PRDM6: variants seen among roughly 807,000 people sequenced by gnomAD.
PRDM6 encodes PR/SET domain 6, also known as putative histone-lysine N-methyltransferase PRDM6.
A neutral mutation model predicts 60.8 loss-of-function variants in PRDM6; 25 were observed. The observed-to-expected ratio is 0.41, with a 90% CI of 0.30 to 0.57. The LOEUF (loss-of-function observed/expected upper bound fraction) is 0.57. Ranked by LOEUF, PRDM6 falls within the 20% of genes least tolerant of loss-of-function variation. PRDM6 has a pLI of 0.27. For missense variants in PRDM6, 839 were observed against 821.3 expected, an observed-to-expected ratio of 1.02 and a Z score of -0.26; for synonymous variants, 407 against 357.4, an observed-to-expected ratio of 1.14 and a Z score of -1.57.
chr5:123,127,725 T>TTTCTTTCC (rs1329926987), intron 3 of PRDM6, among the ~76,000 whole-genome samples: 2 of 150,904 alleles, frequency 1.3e-5, no homozygotes, highest in African/African-American at 5.0e-5. Flanking sequence ...TCTTTCTTTC[T>TTTCTTTCC]TTCTTTCCTT....
chr5:123,184,776 A>C (rs1766245843), intron 7 of PRDM6, among the ~76,000 whole-genome samples: 4 of 152,208 alleles, frequency 2.6e-5, no homozygotes. Flanking sequence ...ATTTTTAAAA[A>C]ATATTTTTAT....
At chr5:123,182,409 C>A (rs1766185571) in intron 7 of PRDM6, among the ~76,000 whole-genome samples, 1 of 152,182 alleles carries the variant, frequency 6.6e-6, no homozygotes, top group Non-Finnish European at 1.5e-5. Context: ...GGCAGCCAGA[C>A]CAATACAGTG....
At chr5:123,089,665 C>A in intron 1 of PRDM6, 146 bp downstream of exon 1, 1 of 245,510 alleles carries the variant, frequency 4.1e-6, no homozygotes, top group South Asian at 8.8e-5. Context: ...CACGCCGGCT[C>A]GGGTCGGCTC....
chr5:123,192,226 A>G lies in PRDM6; in HGVS notation c.*5025A>G, dbSNP rs932011997. 6.6e-6 allele frequency: 1 copy of G among 152,202 alleles called. No individual in the cohort carries two copies. 9.4% of individuals were successfully genotyped at this position (152,202 alleles called of 1,614,324 possible). ...CTTGTTCTAATGCTTAATGTGGATT[A>G]TCTCTTTTAATCCTTAGTAACTCTA... is the stretch of plus-strand genomic sequence containing the variant. On this transcript the variant is annotated 3_prime_UTR_variant, in exon 8 of 8. Coordinates refer to ENST00000407847, the MANE Select transcript of PRDM6 (RefSeq NM_001136239.4).
intron 3 of PRDM6, among the ~76,000 whole-genome samples, chr5:123,141,373 C>A (rs532194881): frequency 6.6e-6 from 1 of 151,932 alleles, no homozygotes; most frequent in South Asian, 2.1e-4. Context: ...ATAATTAAAG[C>A]AATTGTATAG....
chr5:123,104,567 T>G (rs996559600), intron 3 of PRDM6, among the ~76,000 whole-genome samples: 4 of 152,134 alleles, frequency 2.6e-5, no homozygotes, highest in African/African-American at 4.8e-5. Flanking sequence ...AAAAATCATG[T>G]TTTTCAGCAA....
chr5:123,182,946 G>C (rs1766197414), intron 7 of PRDM6, among the ~76,000 whole-genome samples: 1 of 152,118 alleles, frequency 6.6e-6, no homozygotes, highest in South Asian at 2.1e-4. Flanking sequence ...ATACAACCAG[G>C]TCTTTCAGAA....
Position 123,187,372 on chromosome 5 carries a change from GA to G in PRDM6, c.*172del. Reference sequence around the variant, plus strand: ...GATATTGATCCTGGCATGGAAGTCAGACCAGGAAAGAGATTATTTATTTATG... The same window carrying G: ...GATATTGATCCTGGCATGGAAGTCAGCCAGGAAAGAGATTATTTATTTATG... On this transcript the variant is annotated 3_prime_UTR_variant, in exon 8 of 8. Transcript: ENST00000407847. The G allele has an allele frequency of 2.0e-6, 1 of 500,108 alleles. No individual in the cohort carries two copies. The highest frequency in any genetic ancestry group is 2.3e-5 in the South Asian group (1 of 44,234). 31.0% of individuals were successfully genotyped at this position (500,108 alleles called of 1,614,324 possible).
At chr5:123,112,783 C>CTTTTTTTTTTTTTTTTTTTTTTT (rs537426568) in intron 3 of PRDM6, among the ~76,000 whole-genome samples, 1 of 47,504 alleles carries the variant, frequency 2.1e-5, no homozygotes, top group Non-Finnish European at 3.6e-5. Context: ...TCTAATGGCT[C>CTTTTTTTTTTTTTTTTTTTTTTT]TTTTTTTTTT....
chr5:123,104,642 C>T (rs1033774411), intron 3 of PRDM6, among the ~76,000 whole-genome samples: 2 of 152,100 alleles, frequency 1.3e-5, no homozygotes, highest in Non-Finnish European at 2.9e-5. Flanking sequence ...TTGTGAAATT[C>T]AAATAATTTC....
At position 123,090,022 on chromosome 5, in the gene PRDM6, A is replaced by T; in HGVS notation, c.8A>T (p.Lys3Met). The change falls in exon 2 of 8, where the codon AAG becomes ATG. Residue 3 changes from lysine to methionine, a missense_variant. Physicochemically the swap from Lys to Met is moderately conservative, Grantham distance 95. Transcript: ENST00000407847. ...CAGTTCGAGGCGCCGGACATGCTGA[A>T]GCCCGGAGACCCCGGCGGTTCGGCC... ML[K>M]PGDPGGSAFL... 6.5e-7 allele frequency: 1 copy of T among 1,547,400 alleles called. No homozygotes were observed. The highest frequency in any genetic ancestry group is 8.7e-7 in the Non-Finnish European group (1 of 1,145,514).
chr5:123,131,522 C>T (rs1764833969), intron 3 of PRDM6, among the ~76,000 whole-genome samples: 1 of 152,136 alleles, frequency 6.6e-6, no homozygotes, highest in African/African-American at 2.4e-5. Context: ...TACCGTATGC[C>T]TGGCATTGTT....
At chr5:123,150,755 A>G (rs1010157633) in intron 3 of PRDM6, among the ~76,000 whole-genome samples, 2 of 152,086 alleles carry the variant, frequency 1.3e-5, no homozygotes, top group Non-Finnish European at 2.9e-5. Context: ...TTCCCTGGAT[A>G]CTCCATGAGC....
intron 3 of PRDM6, among the ~76,000 whole-genome samples, chr5:123,134,323 A>G (rs1764902755): frequency 6.6e-6 from 1 of 152,152 alleles, no homozygotes; most frequent in Non-Finnish European, 1.5e-5. Flanking sequence ...ATGTGAATGC[A>G]TTAAAGGTCT....
chr5:123,136,358 G>A (rs1223724036), intron 3 of PRDM6, among the ~76,000 whole-genome samples: 1 of 152,002 alleles, frequency 6.6e-6, no homozygotes, highest in Non-Finnish European at 1.5e-5. Context: ...GTTCATGTTG[G>A]CCGAGAACTG....
chr5:123,170,557 C>T (rs3812033), intron 5 of PRDM6, among the ~76,000 whole-genome samples: 46,617 of 152,002 alleles, frequency 0.31, 7,408 homozygotes, highest in East Asian at 0.59. Flanking sequence ...CCTGAGCATA[C>T]AGTTGCTTCA....
Position 123,091,974 on chromosome 5 carries a change from G to A in PRDM6, c.592+1368G>A, listed in dbSNP as rs550651503. On this transcript the variant is annotated intron_variant, in intron 2 of 7. Transcript: ENST00000407847. ...AACACTGGGCAACTGCCTCGTGGTT[G>A]AGGTCTATGAATATTTTCATTATGT... Among the ~76,000 whole-genome samples the A allele has an allele frequency of 6.6e-5, 10 of 152,142 alleles. No homozygotes were observed. In the South Asian group the frequency reaches 1.0e-3, roughly 16 times the overall value.
intron 2 of PRDM6, among the ~76,000 whole-genome samples, chr5:123,092,447 A>G (rs1030507795): frequency 1.3e-5 from 2 of 152,200 alleles, no homozygotes; most frequent in African/African-American, 2.4e-5. Flanking sequence ...ACTGTTTACA[A>G]TGCAGTCTGG....
At chr5:123,158,684 A>C (rs149082751) in intron 4 of PRDM6, among the ~76,000 whole-genome samples, 1 of 152,268 alleles carries the variant, frequency 6.6e-6, no homozygotes, top group African/African-American at 2.4e-5. Flanking sequence ...ACAAGGAACA[A>C]ATTGCCCTGC....
Sources: allele counts gnomAD v4.1 joint callset (sites outside exome capture counted in the v4.1 genomes callset), GRCh38; gene constraint gnomAD v4.1.1; transcripts MANE v1.5; gene names NCBI Gene and HGNC (gene_info 2026-07-23, HGNC 2026-07-21).